Variants in CSMD1 observed in about 807,000 individuals in gnomAD.
CSMD1 encodes the protein CUB and sushi domain-containing protein 1.
CSMD1 carries 213 observed loss-of-function variants against 417.5 expected under a neutral mutation model. That is an observed-to-expected ratio of 0.51 (90% CI 0.46 to 0.57). The LOEUF (loss-of-function observed/expected upper bound fraction) is 0.57. CSMD1 is among the 20% of genes least tolerant of loss of function. The pLI, the probability that CSMD1 is intolerant of heterozygous loss-of-function variation, is 0.00. For synonymous variants in CSMD1, 2,862 were observed against 1,736.8 expected (o/e 1.65, Z -16.11); for missense variants, 6,923 against 4,529.7 (o/e 1.53, Z -15.17).
At chr8:4,352,498 A>T (rs1429818067) in intron 3 of CSMD1, among the ~76,000 whole-genome samples, 4 of 152,246 alleles carry the variant, frequency 2.6e-5, no homozygotes, top group Non-Finnish European at 5.9e-5. Flanking sequence ...CAGTGAATCA[A>T]GTTTGAAGAA....
At chr8:3,831,806 A>G (rs2129088041) in intron 5 of CSMD1, among the ~76,000 whole-genome samples, 1 of 152,318 alleles carries the variant, frequency 6.6e-6, no homozygotes, top group East Asian at 1.9e-4. Context: ...GGGACTGTGA[A>G]ATGCTGCCCA....
intron 5 of CSMD1, among the ~76,000 whole-genome samples, chr8:3,835,249 C>A (rs549165939): frequency 6.6e-6 from 1 of 151,856 alleles, no homozygotes; most frequent in African/African-American, 2.4e-5. Context: ...AATCATGCTG[C>A]TATAAAGACA....
intron 2 of CSMD1, among the ~76,000 whole-genome samples, chr8:4,485,996 C>G (rs1319176681): frequency 6.6e-6 from 1 of 151,698 alleles, no homozygotes; most frequent in African/African-American, 2.4e-5. Context: ...TTGTGAATCC[C>G]TCCTTATGTA....
intron 1 of CSMD1, among the ~76,000 whole-genome samples, chr8:4,667,755 T>C (rs906850586): frequency 2.0e-5 from 3 of 152,234 alleles, no homozygotes; most frequent in African/African-American, 7.2e-5. Flanking sequence ...AGTAACATTC[T>C]TGTATATTGC....
chr8:4,469,347 T>G (rs1800384187), intron 2 of CSMD1, among the ~76,000 whole-genome samples: 1 of 152,194 alleles, frequency 6.6e-6, no homozygotes, highest in Admixed American at 6.5e-5. Flanking sequence ...TCTTGTTATT[T>G]TACCTTGTCC....
intron 5 of CSMD1, among the ~76,000 whole-genome samples, chr8:3,827,716 T>C (rs529845444): frequency 2.0e-5 from 3 of 152,358 alleles, no homozygotes; most frequent in East Asian, 1.9e-4. Context: ...TCAGGATTTA[T>C]TCCATCCACC....
chr8:4,012,997 A>C (rs1486033584), intron 4 of CSMD1, among the ~76,000 whole-genome samples: 2 of 151,612 alleles, frequency 1.3e-5, no homozygotes, highest in East Asian at 3.9e-4. Flanking sequence ...AACACCTCTC[A>C]TTTTCATTTT....
In CSMD1 at chr8:3,181,129, A is replaced by C; in HGVS notation, c.5706T>G (p.Gly1902=). 1 of 1,613,586 alleles carries C rather than the reference A, an allele frequency of 6.2e-7. No individual in the cohort carries two copies. Among genetic ancestry groups the C allele is most frequent in the Non-Finnish European group, 8.5e-7 (1 of 1,179,580 alleles). Residue 1902 remains glycine (G), a synonymous_variant, in exon 37 of 70, where the codon GGT becomes GGG. Transcript: ENST00000635120. The part of the protein sequence containing the change: ...FQSDISVAAA[G]FHLEYKTVGL... The stretch of plus-strand genomic sequence containing the variant: ...CCTTACTTTTGTATTCCAGGTGGAA[A>C]CCAGCAGCTGCCACACTAATGTCAG...
At chr8:4,204,511 T>G (rs926686951) in intron 3 of CSMD1, among the ~76,000 whole-genome samples, 11 of 152,216 alleles carry the variant, frequency 7.2e-5, no homozygotes, top group South Asian at 2.1e-4. Context: ...TCAATTTCCA[T>G]AATTTATTTC....
chr8:3,524,287 GCA>G (rs199730817), intron 10 of CSMD1, among the ~76,000 whole-genome samples: 1,423 of 137,562 alleles, frequency 0.01, 10 homozygotes, highest in South Asian at 0.033. Flanking sequence ...ACATATACAT[GCA>G]CACACACGTA....
chr8:3,137,904 A>G (rs573940877), intron 41 of CSMD1, among the ~76,000 whole-genome samples: 3 of 152,326 alleles, frequency 2.0e-5, no homozygotes, highest in Admixed American at 1.3e-4. Context: ...TATGCCTGTC[A>G]GTCTAGGTTC....
intron 26 of CSMD1, among the ~76,000 whole-genome samples, chr8:3,258,454 T>C (rs1031822081): frequency 1.3e-5 from 2 of 152,244 alleles, no homozygotes; most frequent in East Asian, 1.9e-4. Context: ...AAGATGCTGG[T>C]GAGGTTGTGG....
At chr8:4,285,689 G>A (rs1295048771) in intron 3 of CSMD1, among the ~76,000 whole-genome samples, 3 of 152,188 alleles carry the variant, frequency 2.0e-5, no homozygotes, top group African/African-American at 4.8e-5. Context: ...GAAGAATGGA[G>A]CTTTCCAGAA....
At chr8:4,722,652 C>T (rs1470460463) in intron 1 of CSMD1, among the ~76,000 whole-genome samples, 1 of 151,926 alleles carries the variant, frequency 6.6e-6, no homozygotes, top group East Asian at 1.9e-4. Flanking sequence ...CTCAGCATCT[C>T]ATTACTATCC....
At chr8:3,262,210 TATATATATATATATATATATAC>T (rs926070640) in intron 26 of CSMD1, among the ~76,000 whole-genome samples, 4 of 99,136 alleles carry the variant, frequency 4.0e-5, no homozygotes, top group African/African-American at 1.0e-4. Flanking sequence ...TATATATATA[TATATATATATATATATATATAC>T]ACACACATAG....
intron 1 of CSMD1, among the ~76,000 whole-genome samples, chr8:4,742,282 G>A (rs1007484710): frequency 8.6e-5 from 13 of 151,310 alleles, no homozygotes; most frequent in African/African-American, 2.4e-4. Flanking sequence ...CACCCGCCTC[G>A]GCCTCCCAAA....
chr8:4,113,437 C>G (rs1257721896), intron 3 of CSMD1, among the ~76,000 whole-genome samples: 1 of 124,254 alleles, frequency 8.0e-6, no homozygotes, highest in Non-Finnish European at 1.6e-5. Flanking sequence ...CAGTATCTCG[C>G]TCTGTCACGC....
chr8:4,637,272 A>T (rs956582609), intron 2 of CSMD1, 70 bp downstream of exon 2: 49 of 1,320,810 alleles, frequency 3.7e-5, no homozygotes, highest in Non-Finnish European at 2.8e-5. Flanking sequence ...AAATTTAAAT[A>T]TTCCAACTAG....
At chr8:3,210,310 T>G (rs1195487207) in intron 30 of CSMD1, among the ~76,000 whole-genome samples, 1 of 138,416 alleles carries the variant, frequency 7.2e-6, no homozygotes, top group Non-Finnish European at 1.6e-5. Context: ...CAGTGTTTCA[T>G]GCGCTGTGCT....
Sources: allele counts gnomAD v4.1 joint callset (sites outside exome capture counted in the v4.1 genomes callset), GRCh38; gene constraint gnomAD v4.1.1; transcripts MANE v1.5; gene names NCBI Gene and HGNC (gene_info 2026-07-23, HGNC 2026-07-21).